OOSP2: variants seen among roughly 807,000 people sequenced by gnomAD.
OOSP2 encodes the protein oocyte-secreted protein 2.
A neutral mutation model predicts 13.4 loss-of-function variants in OOSP2; 7 were observed. That is an observed-to-expected ratio of 0.52 (90% confidence interval 0.30 to 0.98). The LOEUF (loss-of-function observed/expected upper bound fraction) is 0.98. Among genes scored for constraint, OOSP2 ranks in the 50% least tolerant of loss-of-function variants. The pLI, the probability that OOSP2 is intolerant of heterozygous loss-of-function variation, is 0.07. For missense variants in OOSP2, 184 were observed against 188.5 expected (o/e 0.98, Z 0.14); for synonymous variants, 75 against 67.2 (o/e 1.12, Z -0.57).
intron 3 of OOSP2, among the ~76,000 whole-genome samples, chr11:60,046,498 A>T (rs1266502759): frequency 2.0e-5 from 3 of 152,092 alleles, no homozygotes; most frequent in Non-Finnish European, 2.9e-5. Context: ...TTTTGGGTGC[A>T]TGAATTTTAA....
At chr11:60,041,927 A>G (rs2134638307) in intron 1 of OOSP2, among the ~76,000 whole-genome samples, 1 of 149,810 alleles carries the variant, frequency 6.7e-6, no homozygotes, top group South Asian at 2.1e-4. Flanking sequence ...CTGTAATCCC[A>G]GCACTTTGGG....
At position 60,047,541 on chromosome 11, in the gene OOSP2, T is replaced by C. The variant is rs1855023341; in HGVS notation, c.*468T>C. On this transcript the variant is annotated 3_prime_UTR_variant, in exon 4 of 4. Transcript: ENST00000278855. ...AAAATCCTTTTATGTGCAGATACTT[T>C]AATTCATGTAGATTTTCCTATTAAT... 1 of 152,314 alleles carries C rather than the reference T, an allele frequency of 6.6e-6. No individual in the cohort carries two copies. The highest frequency in any genetic ancestry group is 2.4e-5 in the African/African-American group (1 of 41,474). 9.4% of individuals were successfully genotyped at this position (152,314 alleles called of 1,614,324 possible).
intron 3 of OOSP2, among the ~76,000 whole-genome samples, chr11:60,045,481 G>A (rs1203778707): frequency 1.3e-5 from 2 of 151,784 alleles, no homozygotes; most frequent in African/African-American, 4.8e-5. Flanking sequence ...TGCTTAATAT[G>A]TGAAAATAGT....
In OOSP2 at chr11:60,047,733, G is replaced by C. The variant is rs1182571075; in HGVS notation, c.*660G>C. ...TGGTTCTTCCACACTCAAAATAATT[G>C]AATGGTTGAGTTGGTTAAGCAAAGA... On this transcript the variant is annotated 3_prime_UTR_variant, in exon 4 of 4. Transcript: ENST00000278855. 1 of 152,100 alleles carries C rather than the reference G, an allele frequency of 6.6e-6. No homozygotes were observed. The highest frequency in any genetic ancestry group is 2.4e-5 in the African/African-American group (1 of 41,436). 9.4% of individuals were successfully genotyped at this position (152,100 alleles called of 1,614,324 possible).
rs2134640739 is a variant in OOSP2, at chr11:60,044,790, T to G, written c.347+16T>G. 8.4e-7 allele frequency: 1 copy of G among 1,192,178 alleles called. No homozygotes were observed. The highest frequency in any genetic ancestry group is 1.2e-6 in the Non-Finnish European group (1 of 801,468). 73.8% of individuals were successfully genotyped at this position (1,192,178 alleles called of 1,614,324 possible). A position where few individuals can be genotyped will look rare whatever the true frequency, so the allele number is the denominator to read the frequency against. On this transcript the variant is annotated intron_variant, in intron 3 of 3. Transcript: ENST00000278855. ...CCACCTCTAGGTAAGTCCAGCAGAT[T>G]TGATTCCTTTGGAATGTTTTAGCTT...
chr11:60,045,783 TTTAAC>T (rs1414498929), intron 3 of OOSP2, among the ~76,000 whole-genome samples: 3 of 152,202 alleles, frequency 2.0e-5, no homozygotes, highest in African/African-American at 7.2e-5. Flanking sequence ...TACTCTTCCC[TTTAAC>T]TTATTTTCAT....
At chr11:60,040,587 C>T (rs930593783) in intron 1 of OOSP2, 64 bp downstream of exon 1, 5 of 937,690 alleles carry the variant, frequency 5.3e-6, no homozygotes, top group Non-Finnish European at 7.1e-6. Context: ...GCTTTCCATG[C>T]AGGTGTTTTA....
chr11:60,047,128 G>T lies in OOSP2; in HGVS notation c.*55G>T. The T allele has an allele frequency of 6.7e-7, 1 of 1,485,152 alleles. No individual in the cohort carries two copies. The highest frequency in any genetic ancestry group is 1.4e-5 in the African/African-American group (1 of 70,898). The allele number at this position is 1,485,152 out of a possible 1,614,324, so 92.0% of individuals were successfully genotyped here. ...GTGTTATGTATTTTGCAGGAAAACA[G>T]TTTCATTTTTTCATAGCAAAAATAT... On this transcript the variant is annotated 3_prime_UTR_variant, in exon 4 of 4. Coordinates refer to ENST00000278855, the MANE Select transcript of OOSP2 (RefSeq NM_173801.5).
At chr11:60,046,812 G>T in intron 3 of OOSP2, 132 bp from the exon 4 acceptor site, 1 of 808,630 alleles carries the variant, frequency 1.2e-6, no homozygotes, top group Non-Finnish European at 2.2e-6. Flanking sequence ...GATCTAGAAG[G>T]CATAGTATGC....
chr11:60,045,776 T>C (rs1283108079), intron 3 of OOSP2, among the ~76,000 whole-genome samples: 4 of 152,192 alleles, frequency 2.6e-5, no homozygotes, highest in Non-Finnish European at 4.4e-5. Context: ...ATACTTTTAC[T>C]CTTCCCTTTA....
chr11:60,040,554 C>T (rs1170573677), intron 1 of OOSP2, 31 bp downstream of exon 1: 1 of 1,232,062 alleles, frequency 8.1e-7, no homozygotes, highest in Non-Finnish European at 1.2e-6. Flanking sequence ...AATGCTTCCT[C>T]GAAGGAGTTA....
chr11:60,044,621 C>A, intron 2 of OOSP2, 50 bp from the exon 3 acceptor site: 1 of 816,844 alleles, frequency 1.2e-6, no homozygotes, highest in Non-Finnish European at 2.1e-6. Flanking sequence ...TGTGTGTATT[C>A]CTCATCTGTT....
rs1855023141 is a variant in OOSP2 at position 60,047,528 on chromosome 11, T to C, written c.*455T>C. Reference sequence around the variant, plus strand: ...TCTCACGAAAGGCAAAATCCTTTTATGTGCAGATACTTTAATTCATGTAGA... The same window carrying C: ...TCTCACGAAAGGCAAAATCCTTTTACGTGCAGATACTTTAATTCATGTAGA... On this transcript the variant is annotated 3_prime_UTR_variant, in exon 4 of 4. Transcript: ENST00000278855. 1 of 152,504 alleles carries C rather than the reference T, an allele frequency of 6.6e-6. No homozygotes were observed. Among genetic ancestry groups the C allele is most frequent in the Non-Finnish European group, 1.5e-5 (1 of 68,258 alleles). 9.4% of individuals were successfully genotyped at this position (152,504 alleles called of 1,614,324 possible).
intron 3 of OOSP2, 103 bp from the exon 4 acceptor site, chr11:60,046,841 C>A: frequency 1.0e-6 from 1 of 960,648 alleles, no homozygotes; most frequent in Non-Finnish European, 1.7e-6. Flanking sequence ...TGCCATACTC[C>A]TGAATGACTA....
chr11:60,043,554 A>G lies in OOSP2; in HGVS notation c.150A>G (p.Glu50=). 2 of 1,610,904 alleles carry G rather than the reference A, an allele frequency of 1.2e-6. No individual in the cohort carries two copies. Among genetic ancestry groups the G allele is most frequent in the Non-Finnish European group, 1.7e-6 (2 of 1,177,094 alleles). ...ESRNLYIFAD[E]LHLGMGCPAN... ...GAAATCTGTATATATTTGCGGATGA[A>G]TTACATCTGGGAATGGGCTGCCCTG... is the stretch of plus-strand genomic sequence containing the variant. The change falls in exon 2 of 4, where the codon GAA becomes GAG. Residue 50 remains glutamate, a synonymous_variant. Coordinates refer to ENST00000278855, the MANE Select transcript of OOSP2 (RefSeq NM_173801.5).
Position 60,043,579 on chromosome 11 carries a change from G to A in OOSP2, c.175G>A (p.Ala59Thr), listed in dbSNP as rs1565054799. 1 of 1,608,928 alleles carries A rather than the reference G, an allele frequency of 6.2e-7. No homozygotes were observed. Among genetic ancestry groups the A allele is most frequent in the Non-Finnish European group, 8.5e-7 (1 of 1,175,280 alleles). The change falls in exon 2 of 4, where the codon GCA becomes ACA. Residue 59 changes from alanine (A) to threonine (T), a missense_variant. Ala to Thr is a moderately conservative substitution (Grantham distance 58). Transcript: ENST00000278855. ...ATTACATCTGGGAATGGGCTGCCCT[G>A]CAAATCGGATACATACATATGTATA... ...DELHLGMGCPANRIHTYVYEF... is the reference protein window; with the variant it reads ...DELHLGMGCPTNRIHTYVYEF...
intron 1 of OOSP2, among the ~76,000 whole-genome samples, chr11:60,041,877 C>T (rs1432447962): frequency 1.9e-5 from 2 of 105,022 alleles, no homozygotes; most frequent in African/African-American, 7.0e-5. Flanking sequence ...AAAAGCAAAA[C>T]TCCGTCTGAA....
intron 1 of OOSP2, among the ~76,000 whole-genome samples, chr11:60,042,138 ACCCCCCC>A (rs1854942692): frequency 6.6e-6 from 1 of 151,756 alleles, no homozygotes; most frequent in Non-Finnish European, 1.5e-5. Flanking sequence ...AAACAAAAAA[ACCCCCCC>A]AAAACTCGAC....
rs200799328 is a variant in OOSP2 at position 60,046,603 on chromosome 11, T to G, written c.348-341T>G. On this transcript the variant is annotated intron_variant, in intron 3 of 3. Coordinates refer to ENST00000278855, the MANE Select transcript of OOSP2 (RefSeq NM_173801.5). ...GGACAGATTAAGCTTTTGGTGGCTT[T>G]TTCTTACTGTTCTTAGGATCCATTT... 7.1e-5 allele frequency: 32 copies of G among 448,278 alleles called. No individual in the cohort carries two copies. The East Asian group carries it at 2.1e-3, about 30-fold the overall frequency. The allele number at this position is 448,278 out of a possible 1,614,324, so 27.8% of individuals were successfully genotyped here.
Sources: gnomAD v4.1 joint callset for allele counts (sites outside exome capture counted in the v4.1 genomes callset) on GRCh38, gnomAD v4.1.1 for gene constraint, MANE v1.5 for transcripts, NCBI Gene and HGNC (gene_info 2026-07-23, HGNC 2026-07-21) for gene names.